Variants in BMP1 observed in about 807,000 individuals in gnomAD.
BMP1 encodes bone morphogenetic protein 1.
In BMP1, 63 loss-of-function variants were observed where a neutral mutation model predicts 116.8. The ratio of observed to expected loss-of-function variants is 0.54; its 90% CI spans 0.44 to 0.67. The LOEUF (loss-of-function observed/expected upper bound fraction) is 0.67, where lower values mean the gene tolerates loss of function less well. Among genes scored for constraint, BMP1 ranks in the 30% least tolerant of loss-of-function variants. BMP1 has a pLI of 0.00. For missense variants in BMP1, 1,183 were observed against 1,358.9 expected (o/e 0.87, Z 2.04); for synonymous variants, 536 against 533.4 (o/e 1.00, Z -0.07).
At chr8:22,181,333 T>C (rs1389743369) in intron 8 of BMP1, among the ~76,000 whole-genome samples, 1 of 152,184 alleles carries the variant, frequency 6.6e-6, no homozygotes, top group East Asian at 1.9e-4. Flanking sequence ...CAGAGCTGTC[T>C]CCATCTTCAC....
intron 1 of BMP1, 34 bp from the exon 2 acceptor site, chr8:22,173,568 T>C: frequency 6.5e-7 from 1 of 1,547,684 alleles, no homozygotes; most frequent in South Asian, 1.2e-5. Context: ...GGTAGGAGGA[T>C]TAACTCAGCC....
intron 1 of BMP1, chr8:22,170,623 T>G (rs1298844894): frequency 2.0e-5 from 3 of 152,170 alleles, no homozygotes; most frequent in African/African-American, 7.2e-5. Flanking sequence ...CCTGTGGGTT[T>G]GGGTGTGGGA....
intron 8 of BMP1, among the ~76,000 whole-genome samples, chr8:22,187,679 T>A (rs1378436660): frequency 2.0e-5 from 3 of 151,828 alleles, no homozygotes; most frequent in Non-Finnish European, 2.9e-5. Flanking sequence ...AATGAGGAAA[T>A]CCTGGTCCAC....
intron 15 of BMP1, among the ~76,000 whole-genome samples, chr8:22,197,725 A>G (rs543282567): frequency 2.6e-5 from 4 of 152,344 alleles, no homozygotes; most frequent in Non-Finnish European, 4.4e-5. Flanking sequence ...TATGCAAGCC[A>G]AGGCCTGGGA....
At chr8:22,165,849 T>C (rs1828081577) in intron 1 of BMP1, among the ~76,000 whole-genome samples, 1 of 150,580 alleles carries the variant, frequency 6.6e-6, no homozygotes, top group Admixed American at 6.6e-5. Flanking sequence ...TTTCCTTCTG[T>C]AGGAAACTTT....
At chr8:22,196,181 G>C (rs554191930) in intron 13 of BMP1, 1 of 522,248 alleles carries the variant, frequency 1.9e-6, no homozygotes, top group South Asian at 1.4e-5. Flanking sequence ...CACCCACCAG[G>C]GTGTTATGAT....
rs1487150147 is a variant in BMP1 at position 22,177,976 on chromosome 8, G to T, written c.836+19G>T. 8.9e-6 allele frequency: 14 copies of T among 1,581,248 alleles called. No homozygotes were observed. The highest frequency in any genetic ancestry group is 1.1e-5 in the Non-Finnish European group (13 of 1,154,350). ...TCTCCAGGTGGGAGACGGGATTGGG[G>T]CTGGGCCTCTGCTCGGGCAGCCCCA... On this transcript the variant is annotated intron_variant, in intron 6 of 19. Transcript: ENST00000306385.
At chr8:22,189,154 C>T (rs1828860267) in intron 8 of BMP1, among the ~76,000 whole-genome samples, 1 of 152,178 alleles carries the variant, frequency 6.6e-6, no homozygotes, top group Non-Finnish European at 1.5e-5. Context: ...GGTGACTAAG[C>T]ATTGGTAACA....
Position 22,194,324 on chromosome 8 carries a change from G to T in BMP1, c.1298-121G>T. The T allele has an allele frequency of 6.8e-7, 1 of 1,474,434 alleles. No individual in the cohort carries two copies. Among genetic ancestry groups the T allele is most frequent in the Non-Finnish European group, 9.3e-7 (1 of 1,074,072 alleles). 91.3% of individuals were successfully genotyped at this position (1,474,434 alleles called of 1,614,324 possible). A position where few individuals can be genotyped will look rare whatever the true frequency, so the allele number is the denominator to read the frequency against. On this transcript the variant is annotated intron_variant, in intron 10 of 19. Transcript: ENST00000306385. This position sits in a 1 kb window ranked among gnomAD's most constrained non-coding sequence, Gnocchi z 4.5. ...TGGGATTGCCTGGGACTGGGGGTTT[G>T]GTGGGGAACTGAAAAGCTGGGGGAC... is the stretch of plus-strand genomic sequence containing the variant.
At chr8:22,186,046 G>C (rs968211425) in intron 8 of BMP1, among the ~76,000 whole-genome samples, 6 of 151,722 alleles carry the variant, frequency 4.0e-5, no homozygotes, top group Non-Finnish European at 8.8e-5. Flanking sequence ...ATGTTGGCCA[G>C]GCTGGTCTCG....
intron 15 of BMP1, among the ~76,000 whole-genome samples, chr8:22,200,953 C>T (rs910057030): frequency 2.0e-5 from 3 of 152,038 alleles, no homozygotes; most frequent in East Asian, 1.9e-4. Context: ...TGGATGCGCC[C>T]GGACATGGCC....
Position 22,176,624 on chromosome 8 carries a change from T to C in BMP1, c.525T>C (p.Tyr175=). The C allele has an allele frequency of 6.2e-7, 1 of 1,614,154 alleles. No individual in the cohort carries two copies. Among genetic ancestry groups the C allele is most frequent in the Non-Finnish European group, 8.5e-7 (1 of 1,179,998 alleles). The change falls in exon 4 of 20, where the codon TAT becomes TAC. Residue 175 remains tyrosine (Y), a synonymous_variant. Coordinates refer to ENST00000306385, the MANE Select transcript of BMP1 (RefSeq NM_006129.5). The part of the protein sequence containing the change: ...TFLERTDEDS[Y]IVFTYRPCGC... The stretch of plus-strand genomic sequence containing the variant: ...TGGAGCGCACTGACGAGGACAGCTA[T>C]ATTGTGTTCACCTATCGACCTTGCG...
chr8:22,175,410 A>G (rs184429853), intron 2 of BMP1, among the ~76,000 whole-genome samples: 1 of 152,306 alleles, frequency 6.6e-6, no homozygotes, highest in African/African-American at 2.4e-5. Flanking sequence ...GTTCTCTTTT[A>G]CGATTATTGT....
intron 15 of BMP1, among the ~76,000 whole-genome samples, chr8:22,199,566 G>A (rs1326150791): frequency 3.3e-5 from 5 of 152,074 alleles, no homozygotes; most frequent in Non-Finnish European, 5.9e-5. Context: ...GCGTTCACTC[G>A]CATTTGGCAG....
intron 15 of BMP1, chr8:22,199,437 C>A: frequency 8.1e-7 from 1 of 1,227,424 alleles, no homozygotes. Context: ...TCCACCCCAC[C>A]CCCCTGCAAC....
chr8:22,206,095 A>G (rs1017272206), intron 16 of BMP1, among the ~76,000 whole-genome samples: 15 of 152,130 alleles, frequency 9.9e-5, no homozygotes, highest in Non-Finnish European at 1.9e-4. Flanking sequence ...AGCCGGGTGC[A>G]GTGGCTCACG....
At chr8:22,182,518 A>G (rs1342714542) in intron 8 of BMP1, among the ~76,000 whole-genome samples, 1 of 152,212 alleles carries the variant, frequency 6.6e-6, no homozygotes, top group East Asian at 1.9e-4. Flanking sequence ...TCGTTGGCCC[A>G]GGAAGTGTTT....
chr8:22,210,142 C>G (rs1829435778), intron 19 of BMP1, among the ~76,000 whole-genome samples: 1 of 152,280 alleles, frequency 6.6e-6, no homozygotes, highest in Non-Finnish European at 1.5e-5. Flanking sequence ...ACACTCTTGT[C>G]ATTTCCTCTA....
chr8:22,201,580 TC>T, intron 15 of BMP1: 4 of 1,390,632 alleles, frequency 2.9e-6, no homozygotes, highest in Non-Finnish European at 3.8e-6. Flanking sequence ...CATCCTCCTC[TC>T]CCCACAGCTG....
Sources: allele counts gnomAD v4.1 joint callset (sites outside exome capture counted in the v4.1 genomes callset), GRCh38; gene constraint gnomAD v4.1.1; non-coding constraint Gnocchi (gnomAD v3.1); transcripts MANE v1.5; gene names NCBI Gene and HGNC (gene_info 2026-07-23, HGNC 2026-07-21).